Variants in GMDS observed in about 807,000 individuals in gnomAD.
The protein encoded by GMDS is GDP-mannose 4,6-dehydratase.
GMDS carries 20 observed loss-of-function variants against 49.9 expected under a neutral mutation model. The observed-to-expected ratio is 0.40, with a 90% CI of 0.28 to 0.58. The LOEUF (loss-of-function observed/expected upper bound fraction) is 0.58, where lower values mean the gene tolerates loss of function less well. Ranked by LOEUF, GMDS falls within the 20% of genes least tolerant of loss-of-function variation. The pLI is 0.42. For synonymous variants in GMDS, 177 were observed against 178.6 expected, an observed-to-expected ratio of 0.99 and a Z score of 0.07; for missense variants, 362 against 481.4, an observed-to-expected ratio of 0.75 and a Z score of 2.32.
chr6:1,944,669 CAAA>C lies in GMDS; in HGVS notation c.644-14442_644-14440del, dbSNP rs56229524. ...TGGGTGACAGAGCGAGACTCCGTCT[CAAA>C]AAAAAAAAAAAAAAAAAAAAAATTT... On this transcript the variant is annotated intron_variant, in intron 6 of 10. Coordinates refer to ENST00000380815, the MANE Select transcript of GMDS (RefSeq NM_001500.4). Among the ~76,000 whole-genome samples, 591 of 101,112 alleles carry C rather than the reference CAAA, an allele frequency of 5.8e-3. 3 individuals are homozygous for C. Among genetic ancestry groups the C allele is most frequent in the African/African-American group, 0.015 (347 of 22,762 alleles). The allele number at this position is 101,112 out of a possible 152,430, so 66.3% of individuals were successfully genotyped here. A position where few individuals can be genotyped will look rare whatever the true frequency, so the allele number is the denominator to read the frequency against.
At chr6:1,920,542 A>G (rs141087004) in intron 7 of GMDS, among the ~76,000 whole-genome samples, 1 of 152,340 alleles carries the variant, frequency 6.6e-6, no homozygotes, top group East Asian at 1.9e-4. Context: ...CCCTCTCCAG[A>G]GTGCATGAGT....
At chr6:1,911,792 C>G (rs1761071565) in intron 7 of GMDS, among the ~76,000 whole-genome samples, 1 of 152,012 alleles carries the variant, frequency 6.6e-6, no homozygotes. Context: ...AACTTTTTTC[C>G]TTCCTCTTAA....
intron 9 of GMDS, among the ~76,000 whole-genome samples, chr6:1,645,043 C>T (rs973433717): frequency 1.3e-5 from 2 of 151,490 alleles, no homozygotes; most frequent in Non-Finnish European, 2.9e-5. Flanking sequence ...TCAAGCGATT[C>T]TCTTGCCTCA....
In GMDS at chr6:1,941,589, A is replaced by G. The variant is rs961176161; in HGVS notation, c.644-11359T>C. On this transcript the variant is annotated intron_variant, in intron 6 of 10. Coordinates refer to ENST00000380815, the MANE Select transcript of GMDS (RefSeq NM_001500.4). ...AGAAAGAATGGGGGTGAGATTTCGT[A>G]GACAAGGAGCACAAACAGCTTCTGA... Among the ~76,000 whole-genome samples the G allele has an allele frequency of 4.6e-5, 7 of 152,206 alleles. 1 individual carries two copies. Among genetic ancestry groups the G allele is most frequent in the Admixed American group, 4.6e-4 (7 of 15,278 alleles).
intron 1 of GMDS, among the ~76,000 whole-genome samples, chr6:2,233,781 C>T (rs908171120): frequency 2.6e-5 from 4 of 152,162 alleles, no homozygotes; most frequent in Non-Finnish European, 5.9e-5. Flanking sequence ...GCAGTGATCG[C>T]GCCACTGCAC....
chr6:1,786,320 T>G (rs1259257303), intron 7 of GMDS, among the ~76,000 whole-genome samples: 1 of 152,024 alleles, frequency 6.6e-6, no homozygotes, highest in East Asian at 1.9e-4. Context: ...ATCCAGGAGG[T>G]CTAGAGCCTC....
chr6:1,704,972 C>G (rs1353925033), intron 9 of GMDS, among the ~76,000 whole-genome samples: 1 of 152,138 alleles, frequency 6.6e-6, no homozygotes, highest in Non-Finnish European at 1.5e-5. Context: ...TAGTACTACT[C>G]ATGTTGAAAA....
chr6:1,674,869 A>G (rs1764564456), intron 9 of GMDS, among the ~76,000 whole-genome samples: 1 of 131,722 alleles, frequency 7.6e-6, no homozygotes, highest in Non-Finnish European at 1.7e-5. Context: ...GATCTTACAC[A>G]TAATTTTTAG....
intron 4 of GMDS, among the ~76,000 whole-genome samples, chr6:2,038,858 T>C (rs73716926): frequency 0.022 from 3,368 of 152,326 alleles, 114 homozygotes; most frequent in African/African-American, 0.076. Context: ...GAAGGCACAC[T>C]AACCTTAACT....
chr6:1,679,581 T>C (rs1764726898), intron 9 of GMDS: 1 of 152,276 alleles, frequency 6.6e-6, no homozygotes, highest in African/African-American at 2.4e-5. Flanking sequence ...TGGCCCGTGA[T>C]GACTGAACAC....
chr6:1,919,087 G>A (rs560853635), intron 7 of GMDS, among the ~76,000 whole-genome samples: 1 of 152,260 alleles, frequency 6.6e-6, no homozygotes, highest in Admixed American at 6.5e-5. Flanking sequence ...TGATGGGCAG[G>A]GAGATCCAAT....
chr6:1,698,114 C>T (rs1765406508), intron 9 of GMDS, among the ~76,000 whole-genome samples: 1 of 152,220 alleles, frequency 6.6e-6, no homozygotes, highest in Non-Finnish European at 1.5e-5. Flanking sequence ...ACCAGAGTCT[C>T]ACTTCCTCTC....
Position 1,635,196 on chromosome 6 carries a change from G to C in GMDS, c.988-10656C>G, listed in dbSNP as rs1225031324. ...GAGCACGCCTTCTTGTTTTGATCCT[G>C]ATTTGAGGCCAAAGCCTCTCTGCTG... On this transcript the variant is annotated intron_variant, in intron 9 of 10. Transcript: ENST00000380815. This position sits in a 1 kb window ranked among gnomAD's most constrained non-coding sequence, Gnocchi z 4.7. Among the ~76,000 whole-genome samples, 6 of 152,176 alleles carry C rather than the reference G, an allele frequency of 3.9e-5. No individual in the cohort carries two copies. The highest frequency in any genetic ancestry group is 1.4e-4 in the African/African-American group (6 of 41,448).
Position 1,787,903 on chromosome 6 carries a change from A to G in GMDS, c.772-45317T>C, listed in dbSNP as rs551683276. Among the ~76,000 whole-genome samples, 3 of 152,140 alleles carry G rather than the reference A, an allele frequency of 2.0e-5. No homozygotes were observed. The South Asian group carries it at 6.3e-4, about 32-fold the overall frequency. On this transcript the variant is annotated intron_variant, in intron 7 of 10. Coordinates refer to ENST00000380815, the MANE Select transcript of GMDS (RefSeq NM_001500.4). ...GAGTGTGTACAGGACTGAAATGTGG[A>G]CCTCCGCCTGGTGCTGGAGGTGCGG...
At chr6:1,996,991 ATGCC>A (rs1766322633) in intron 4 of GMDS, among the ~76,000 whole-genome samples, 2 of 151,802 alleles carry the variant, frequency 1.3e-5, no homozygotes, top group African/African-American at 4.8e-5. Flanking sequence ...AAGTCTTCTG[ATGCC>A]CACCTCACTT....
chr6:1,835,066 G>A (rs921564824), intron 7 of GMDS, among the ~76,000 whole-genome samples: 1 of 152,142 alleles, frequency 6.6e-6, no homozygotes, highest in Non-Finnish European at 1.5e-5. Context: ...GATAGAGAGG[G>A]AGAGGGAAGG....
intron 7 of GMDS, among the ~76,000 whole-genome samples, chr6:1,804,573 A>G (rs1276030576): frequency 6.6e-6 from 1 of 152,258 alleles, no homozygotes; most frequent in Non-Finnish European, 1.5e-5. Flanking sequence ...TCACTACCAC[A>G]GAACACTCAG....
intron 8 of GMDS, among the ~76,000 whole-genome samples, chr6:1,737,555 TACAC>T (rs368440878): frequency 2.4e-5 from 3 of 126,272 alleles, no homozygotes; most frequent in Non-Finnish European, 3.4e-5. Context: ...CACACACAGA[TACAC>T]ACACACACCA....
rs372228946 is a variant in GMDS at position 1,872,964 on chromosome 6, A to G, written c.771+57139T>C. 4.0e-4 allele frequency among the ~76,000 whole-genome samples: 61 copies of G among 152,322 alleles called. 1 individual carries two copies. The East Asian group carries it at 0.011, about 28-fold the overall frequency. ...GAGGCATGGTATTTTCTAGAGCAAC[A>G]AGTGGCAGTAGATTCCTGTATCACA... On this transcript the variant is annotated intron_variant, in intron 7 of 10. Coordinates refer to ENST00000380815, the MANE Select transcript of GMDS (RefSeq NM_001500.4).
Sources: allele counts gnomAD v4.1 joint callset (sites outside exome capture counted in the v4.1 genomes callset), GRCh38; gene constraint gnomAD v4.1.1; non-coding constraint Gnocchi (gnomAD v3.1); transcripts MANE v1.5; gene names NCBI Gene and HGNC (gene_info 2026-07-23, HGNC 2026-07-21).